Variants in ADGRV1 observed in about 807,000 individuals in gnomAD.
ADGRV1 encodes G-protein coupled receptor 98.
A neutral mutation model predicts 596.2 loss-of-function variants in ADGRV1; 359 were observed. The ratio of observed to expected loss-of-function variants is 0.60; its 90% CI spans 0.55 to 0.66. The LOEUF (loss-of-function observed/expected upper bound fraction) is 0.66. ADGRV1 is among the 30% of genes least tolerant of loss of function. The pLI is 0.00. For missense variants in ADGRV1, 7,274 were observed against 7,575.6 expected, an observed-to-expected ratio of 0.96 and a Z score of 1.48; for synonymous variants, 2,681 against 2,679.2, an observed-to-expected ratio of 1.00 and a Z score of -0.02.
intron 9 of ADGRV1, 76 bp from the exon 10 acceptor site, chr5:90,635,038 C>T (rs746272388): frequency 1.4e-5 from 12 of 871,934 alleles, no homozygotes; most frequent in Admixed American, 2.3e-5. Flanking sequence ...ACTTTGTCAC[C>T]CCATGCTGTT....
chr5:91,129,887 C>T (rs1218742543), intron 87 of ADGRV1, among the ~76,000 whole-genome samples: 1 of 152,080 alleles, frequency 6.6e-6, no homozygotes, highest in Non-Finnish European at 1.5e-5. Context: ...TCTGAGAGAA[C>T]ACAGATCTCC....
Position 90,627,764 on chromosome 5 carries a change from A to G in ADGRV1, c.1226A>G (p.Asp409Gly), listed in dbSNP as rs778971195. The change falls in exon 7 of 90, where the codon GAT becomes GGT. Residue 409 changes from aspartate (D) to glycine (G), a missense_variant. Coordinates refer to ENST00000405460, the MANE Select transcript of ADGRV1 (RefSeq NM_032119.4). The stretch of plus-strand genomic sequence containing the variant: ...GAAAGGACAGTTATAATTGATGAAG[A>G]TAGAATATCAAGGTATGATTTATTT... ...LFERTVIIDE[D>G]RISRYEEITV... The G allele has an allele frequency of 3.3e-6, 5 of 1,510,492 alleles. No individual in the cohort carries two copies. Among genetic ancestry groups the G allele is most frequent in the Non-Finnish European group, 2.7e-6 (3 of 1,120,010 alleles). 93.6% of individuals were successfully genotyped at this position (1,510,492 alleles called of 1,614,324 possible).
intron 28 of ADGRV1, among the ~76,000 whole-genome samples, chr5:90,684,756 A>G (rs1016575438): frequency 6.6e-6 from 1 of 152,118 alleles, no homozygotes; most frequent in Admixed American, 6.6e-5. Flanking sequence ...TACTATCACC[A>G]CTGGGATTAG....
At chr5:90,610,927 C>T (rs1762658265) in intron 1 of ADGRV1, among the ~76,000 whole-genome samples, 2 of 151,916 alleles carry the variant, frequency 1.3e-5, no homozygotes, top group South Asian at 4.1e-4. Flanking sequence ...AGAACTTGCC[C>T]CAATTATCAC....
In ADGRV1 at chr5:90,712,268, C is replaced by G; in HGVS notation, c.9043-19C>G. On this transcript the variant is annotated intron_variant, in intron 41 of 89. Transcript: ENST00000405460. ...GTGTATATAAATATAATACATTCTGCTTTTACCTTTTTGACCAGATTCTTC... is the reference window on the plus strand; with the variant it reads ...GTGTATATAAATATAATACATTCTGGTTTTACCTTTTTGACCAGATTCTTC... 1.4e-6 allele frequency: 2 copies of G among 1,463,934 alleles called. No homozygotes were observed. Among genetic ancestry groups the G allele is most frequent in the Non-Finnish European group, 1.8e-6 (2 of 1,081,300 alleles). The allele number at this position is 1,463,934 out of a possible 1,614,324, so 90.7% of individuals were successfully genotyped here.
chr5:91,027,786 G>A (rs768999547), intron 85 of ADGRV1, among the ~76,000 whole-genome samples: 19 of 152,282 alleles, frequency 1.2e-4, no homozygotes, highest in Non-Finnish European at 2.5e-4. Context: ...TAAACAAGGA[G>A]CATTGCTTTT....
chr5:90,589,569 AT>A (rs1307111936), intron 1 of ADGRV1, among the ~76,000 whole-genome samples: 1 of 152,110 alleles, frequency 6.6e-6, no homozygotes, highest in Non-Finnish European at 1.5e-5. Context: ...ATTAAGTGAT[AT>A]TTTTGCCTTT....
In ADGRV1 at chr5:91,122,568, GA is replaced by G. The variant is rs202047294; in HGVS notation, c.18432+20234del. On this transcript the variant is annotated intron_variant, in intron 87 of 89. Coordinates refer to ENST00000405460, the MANE Select transcript of ADGRV1 (RefSeq NM_032119.4). The stretch of plus-strand genomic sequence containing the variant: ...TCTTTTTGGGAAAATTATTTTGGGG[GA>G]AAAAATAAAATAGCATTACTTAACA... Among the ~76,000 whole-genome samples, 164 of 152,158 alleles carry G rather than the reference GA, an allele frequency of 1.1e-3. 3 individuals are homozygous for G. In the East Asian group the frequency reaches 0.03, roughly 28 times the overall value.
chr5:90,658,159 C>T lies in ADGRV1; in HGVS notation c.4633C>T (p.Leu1545=). The T allele has an allele frequency of 6.2e-7, 1 of 1,612,370 alleles. No individual in the cohort carries two copies. The highest frequency in any genetic ancestry group is 8.5e-7 in the Non-Finnish European group (1 of 1,178,732). ...EEGEELFILK[L]VSVYGGARIS... ...AGGAGAAGAATTATTCATTCTTAAA[C>T]TAGTTTCTGTATATGGAGGAGCTCG... Residue 1545 remains leucine (L), a synonymous_variant, in exon 21 of 90, where the codon CTA becomes TTA. Coordinates refer to ENST00000405460, the MANE Select transcript of ADGRV1 (RefSeq NM_032119.4).
Position 90,897,886 on chromosome 5 carries a change from A to T in ADGRV1, c.17856+34029A>T, listed in dbSNP as rs116477121. Among the ~76,000 whole-genome samples, 66 of 152,182 alleles carry T rather than the reference A, an allele frequency of 4.3e-4. 1 individual carries two copies. The highest frequency in any genetic ancestry group is 1.5e-4 in the Non-Finnish European group (10 of 68,036). ...AGATTTGGTGAACTTGCCAAACCCC[A>T]TAACAGTAGCAGATGGATGAGGTTT... On this transcript the variant is annotated intron_variant, in intron 83 of 89. Coordinates refer to ENST00000405460, the MANE Select transcript of ADGRV1 (RefSeq NM_032119.4).
intron 11 of ADGRV1, among the ~76,000 whole-genome samples, chr5:90,641,115 T>G (rs1766916732): frequency 6.6e-6 from 1 of 152,176 alleles, no homozygotes; most frequent in African/African-American, 2.4e-5. Flanking sequence ...TTTTGAAATT[T>G]GAGAATTAGT....
At chr5:90,832,709 A>C (rs1581259451) in intron 77 of ADGRV1, among the ~76,000 whole-genome samples, 1 of 152,242 alleles carries the variant, frequency 6.6e-6, no homozygotes, top group Admixed American at 6.5e-5. Flanking sequence ...TTCTTGTAGT[A>C]GTTTCTTAGT....
intron 54 of ADGRV1, among the ~76,000 whole-genome samples, chr5:90,754,393 A>G (rs1000384541): frequency 6.6e-6 from 1 of 152,182 alleles, no homozygotes; most frequent in African/African-American, 2.4e-5. Flanking sequence ...TCCAGCTTTC[A>G]AGTACCTTTC....
At chr5:90,737,260 G>T (rs1402932667) in intron 50 of ADGRV1, among the ~76,000 whole-genome samples, 3 of 151,756 alleles carry the variant, frequency 2.0e-5, no homozygotes, top group African/African-American at 7.3e-5. Context: ...TTCTGTTATT[G>T]ATTTCTAGCT....
chr5:90,815,154 A>G (rs1762779610), intron 74 of ADGRV1, among the ~76,000 whole-genome samples: 1 of 152,180 alleles, frequency 6.6e-6, no homozygotes, highest in Non-Finnish European at 1.5e-5. Context: ...ATGTGAAGGT[A>G]AATCCGTTGA....
At chr5:90,822,449 C>T (rs1025039206) in intron 75 of ADGRV1, among the ~76,000 whole-genome samples, 13 of 151,940 alleles carry the variant, frequency 8.6e-5, no homozygotes, top group African/African-American at 2.4e-4. Context: ...CTTCATGTGG[C>T]GTTATTTCTG....
At chr5:90,631,492 A>G (rs1039007948) in intron 9 of ADGRV1, among the ~76,000 whole-genome samples, 2 of 151,714 alleles carry the variant, frequency 1.3e-5, no homozygotes, top group African/African-American at 4.9e-5. Flanking sequence ...GGCATTTGCC[A>G]TCTTCCCCAG....
chr5:90,649,428 A>G (rs1261824761), intron 17 of ADGRV1, among the ~76,000 whole-genome samples: 1 of 152,144 alleles, frequency 6.6e-6, no homozygotes, highest in Non-Finnish European at 1.5e-5. Context: ...AAACGCCAAT[A>G]TGGTTAAATA....
chr5:90,711,400 A>T, intron 41 of ADGRV1, 78 bp downstream of exon 41: 1 of 1,070,412 alleles, frequency 9.3e-7, no homozygotes, highest in Non-Finnish European at 1.3e-6. Context: ...ACAGTGATTT[A>T]GGTCCCATAT....
Sources: allele counts gnomAD v4.1 joint callset (sites outside exome capture counted in the v4.1 genomes callset), GRCh38; gene constraint gnomAD v4.1.1; transcripts MANE v1.5; gene names NCBI Gene and HGNC (gene_info 2026-07-23, HGNC 2026-07-21).